The following UBR4 variants were observed in gnomAD, a reference collection of about 807,000 sequenced individuals.
UBR4 encodes E3 ubiquitin-protein ligase UBR4.
In UBR4, 124 loss-of-function variants were observed where a neutral mutation model predicts 575.6. That is an observed-to-expected ratio of 0.22 (90% CI 0.19 to 0.25). The LOEUF (loss-of-function observed/expected upper bound fraction) is 0.25, where lower values mean the gene tolerates loss of function less well. UBR4 is among the 10% of genes least tolerant of loss of function. The probability of loss-of-function intolerance (pLI) is 1.00; values close to 1 mark genes in which losing one functional copy is unlikely to be tolerated. For synonymous variants in UBR4, 2,455 were observed against 2,473.7 expected (o/e 0.99, Z 0.22); for missense variants, 4,818 against 6,478.8 (o/e 0.74, Z 8.80).
chr1:19,176,206 G>A (rs2090244234), intron 20 of UBR4, among the ~76,000 whole-genome samples: 1 of 152,118 alleles, frequency 6.6e-6, no homozygotes, highest in East Asian at 1.9e-4. Flanking sequence ...TCCTGCCTCA[G>A]CCACCAGAGT....
rs143648147 is a variant in UBR4, at chr1:19,177,733, T to C, written c.2365A>G (p.Thr789Ala). 3.5e-4 allele frequency: 566 copies of C among 1,612,616 alleles called. 2 individuals are homozygous for C. Among genetic ancestry groups the C allele is most frequent in the Admixed American group, 8.7e-4 (52 of 59,832 alleles). Residue 789 changes from threonine to alanine, a missense_variant, in exon 19 of 106, where the codon ACA (threonine) becomes GCA (alanine). Physicochemically the swap from Thr to Ala is moderately conservative, Grantham distance 58. Around this residue, in one of 29 missense-constraint regions of UBR4, gnomAD observed 1,172 missense variants for 1,259.7 expected, o/e 0.93. Coordinates refer to ENST00000375254, the MANE Select transcript of UBR4 (RefSeq NM_020765.3). ...CCTTGCAGGGCATTCTGCTTCATTG[T>C]AGACAAAAACCTACCAGAGAGAAAA... ...CLKVWDRFLS[T>A]MKQNALQGVV...
In UBR4 at chr1:19,117,400, A is replaced by G; in HGVS notation, c.10644T>C (p.Ser3548=). The change falls in exon 73 of 106, where the codon TCT becomes TCC. Residue 3548 remains serine, a synonymous_variant. Transcript: ENST00000375254. This position sits in a 1 kb window ranked among gnomAD's most constrained non-coding sequence, Gnocchi z 4.0. ...PEVPFCYIKL[S]SIKVDTRYTT... ...TGTACCGCGTGTCCACTTTAATGGA[A>G]GACAGCTTGATATACTAAATACAAG... The G allele has an allele frequency of 6.2e-7, 1 of 1,614,212 alleles. No homozygotes were observed. The highest frequency in any genetic ancestry group is 8.5e-7 in the Non-Finnish European group (1 of 1,180,034).
chr1:19,172,830 G>C (rs577735374), intron 25 of UBR4, 34 bp downstream of exon 25: 1 of 1,571,750 alleles, frequency 6.4e-7, no homozygotes, highest in African/African-American at 1.3e-5. Flanking sequence ...AGTGAAGAGT[G>C]CATGTGCATC....
intron 74 of UBR4, among the ~76,000 whole-genome samples, 164 bp downstream of exon 74, chr1:19,115,234 C>G (rs1295408658): frequency 8.7e-6 from 1 of 115,024 alleles, no homozygotes; most frequent in Non-Finnish European, 2.1e-5. Flanking sequence ...CACTCACTCT[C>G]TCTTCTTCCT....
In UBR4 at chr1:19,099,635, C is replaced by T; in HGVS notation, c.13264G>A (p.Ala4422Thr). ...NKIISLDLPV[A>T]EVYKKVWCTT... The stretch of plus-strand genomic sequence containing the variant: ...CACCAGACTTTCTTGTAAACTTCAG[C>T]CACAGGAAGGTCCAAACTAATGATT... Residue 4422 changes from alanine to threonine, a missense_variant, in exon 90 of 106, where the codon GCT (alanine) becomes ACT (threonine). Around this residue, in one of 29 missense-constraint regions of UBR4, gnomAD observed 19 missense variants for 53.9 expected, o/e 0.35. Coordinates refer to ENST00000375254, the MANE Select transcript of UBR4 (RefSeq NM_020765.3). The T allele has an allele frequency of 2.5e-6, 4 of 1,614,036 alleles. No homozygotes were observed. The highest frequency in any genetic ancestry group is 3.4e-6 in the Non-Finnish European group (4 of 1,179,948).
chr1:19,173,338 GATGACT>G, intron 23 of UBR4, 32 bp from the exon 24 acceptor site: 2 of 1,613,594 alleles, frequency 1.2e-6, no homozygotes, highest in Admixed American at 1.7e-5. Context: ...GTGTTTAGGA[GATGACT>G]ATAGGCAAAG....
rs1174072466 is a variant in UBR4, at chr1:19,197,396, A to C, written c.894-131T>G. The C allele has an allele frequency of 1.5e-5, 20 of 1,326,450 alleles. No homozygotes were observed. The Admixed American group carries it at 4.2e-4, about 28-fold the overall frequency. The allele number at this position is 1,326,450 out of a possible 1,614,324, so 82.2% of individuals were successfully genotyped here. ...ATAATTCCGACACTTCAGGAGGCCAAGGCAGGAGGATTGCTTGAGCCCAGG... is the reference window on the plus strand; with the variant it reads ...ATAATTCCGACACTTCAGGAGGCCACGGCAGGAGGATTGCTTGAGCCCAGG... On this transcript the variant is annotated intron_variant, in intron 7 of 105. Transcript: ENST00000375254.
chr1:19,170,096 C>T (rs1013587755), intron 26 of UBR4, among the ~76,000 whole-genome samples: 1 of 152,180 alleles, frequency 6.6e-6, no homozygotes, highest in East Asian at 1.9e-4. Flanking sequence ...TTTGATTTTC[C>T]ACCCTAAATT....
At position 19,169,501 on chromosome 1, in the gene UBR4, T is replaced by C; in HGVS notation, c.3675A>G (p.Ser1225=). 6.2e-7 allele frequency: 1 copy of C among 1,613,864 alleles called. No individual in the cohort carries two copies. The highest frequency in any genetic ancestry group is 8.5e-7 in the Non-Finnish European group (1 of 1,179,918). Residue 1225 remains serine, a synonymous_variant, in exon 27 of 106, where the codon TCA becomes TCG. Transcript: ENST00000375254. ...GPTLVQNLPS[S]VQTVCESWNN... ...TCCAGGACTCACACACAGTCTGCAC[T>C]GACGATGGCAAATTCTGAACCAGTG...
intron 8 of UBR4, 124 bp downstream of exon 8, chr1:19,197,017 T>C: frequency 8.3e-7 from 1 of 1,201,384 alleles, no homozygotes; most frequent in East Asian, 2.4e-5. Flanking sequence ...GATGCGACGT[T>C]AGATGATCCT....
chr1:19,184,345 G>A (rs772211580), intron 15 of UBR4, among the ~76,000 whole-genome samples, 170 bp from the exon 16 acceptor site: 10 of 152,182 alleles, frequency 6.6e-5, no homozygotes, highest in African/African-American at 1.2e-4. Flanking sequence ...GTTTCATTAT[G>A]AGTCTCTCTT....
rs778672905 is a variant in UBR4, at chr1:19,106,679, G to A, written c.12283C>T (p.Leu4095Phe). 6.2e-7 allele frequency: 1 copy of A among 1,609,614 alleles called. No homozygotes were observed. Among genetic ancestry groups the A allele is most frequent in the East Asian group, 2.2e-5 (1 of 44,870 alleles). The change falls in exon 83 of 106, where the codon CTC becomes TTC. Residue 4095 changes from leucine (L) to phenylalanine (F), a missense_variant. Physicochemically the swap from Leu to Phe is conservative, Grantham distance 22 (BLOSUM62 0). Transcript: ENST00000375254. ...KAPSKSELRH[L>F]YLTEKYVWRW... is the part of the protein sequence containing the mutation. ...CACACATACTTCTCAGTCAAATAGA[G>A]ATGGCGGAGCTCTGATTTGCTGGGG...
chr1:19,179,395 A>C (rs2090632253), intron 17 of UBR4, among the ~76,000 whole-genome samples, 175 bp from the exon 18 acceptor site: 1 of 152,258 alleles, frequency 6.6e-6, no homozygotes, highest in African/African-American at 2.4e-5. Context: ...TAGGTCAACA[A>C]ATGAGAAAAA....
In UBR4 at chr1:19,157,824, C is replaced by A. The variant is rs372867016; in HGVS notation, c.5751G>T (p.Glu1917Asp). Residue 1917 changes from glutamate to aspartate, a missense_variant, in exon 40 of 106, where the codon GAG (glutamate) becomes GAT (aspartate). Physicochemically the swap from Glu to Asp is conservative, Grantham distance 45. This residue lies in a region of UBR4 where 461 missense variants were observed against 606.9 expected (regional missense o/e 0.76). Transcript: ENST00000375254. The surrounding 1 kb of genome is among the most constrained non-coding windows in gnomAD (Gnocchi z 4.4). ...GRRQHLAVSHEKGKITVLQLS... is the reference protein window; with the variant it reads ...GRRQHLAVSHDKGKITVLQLS... Reference sequence around the variant, plus strand: ...GAATTGGAGGACCCACCTTGCCCTTCTCATGGCTGACAGCCAAATGTTGGC... The same window carrying A: ...GAATTGGAGGACCCACCTTGCCCTTATCATGGCTGACAGCCAAATGTTGGC... 6.2e-7 allele frequency: 1 copy of A among 1,614,130 alleles called. No homozygotes were observed. Among genetic ancestry groups the A allele is most frequent in the Non-Finnish European group, 8.5e-7 (1 of 1,179,950 alleles).
Position 19,117,407 on chromosome 1 carries a change from T to C in UBR4, c.10637A>G (p.Lys3546Arg). ...NNPEVPFCYI[K>R]LSSIKVDTRY... ...CGTGTCCACTTTAATGGAAGACAGC[T>C]TGATATACTAAATACAAGAGTTCAC... Residue 3546 changes from lysine to arginine, a missense_variant, in exon 73 of 106, where the codon AAG becomes AGG. Physicochemically the swap from Lys to Arg is conservative, Grantham distance 26. Transcript: ENST00000375254. This position sits in a 1 kb window ranked among gnomAD's most constrained non-coding sequence, Gnocchi z 4.0. 1.2e-6 allele frequency: 2 copies of C among 1,614,176 alleles called. No individual in the cohort carries two copies. Among genetic ancestry groups the C allele is most frequent in the Non-Finnish European group, 1.7e-6 (2 of 1,180,014 alleles).
intron 26 of UBR4, 119 bp from the exon 27 acceptor site, chr1:19,169,651 A>C: frequency 1.4e-6 from 1 of 707,032 alleles, no homozygotes; most frequent in Admixed American, 3.2e-5. Context: ...CAAAATAATT[A>C]GTAAGATAGC....
intron 60 of UBR4, among the ~76,000 whole-genome samples, chr1:19,132,605 T>TAAAAAAAAAAAAAAAAAA: frequency 4.1e-4 from 10 of 24,132 alleles, no homozygotes; most frequent in East Asian, 1.2e-3. Flanking sequence ...TAAAAAATGG[T>TAAAAAAAAAAAAAAAAAA]AAAAAAAAAA....
chr1:19,172,803 A>G (rs1292757109), intron 25 of UBR4, 61 bp downstream of exon 25: 2 of 1,524,350 alleles, frequency 1.3e-6, no homozygotes, highest in East Asian at 2.3e-5. Context: ...TTCTGAGTCA[A>G]TGCGGGATCT....
At position 19,095,641 on chromosome 1, in the gene UBR4, T is replaced by C. The variant is rs762387574; in HGVS notation, c.13530A>G (p.Lys4510=). 2.5e-6 allele frequency: 4 copies of C among 1,613,872 alleles called. No individual in the cohort carries two copies. Among genetic ancestry groups the C allele is most frequent in the Non-Finnish European group, 2.5e-6 (3 of 1,179,948 alleles). The change falls in exon 93 of 106, where the codon AAA becomes AAG. Residue 4510 remains lysine (K), a synonymous_variant. Transcript: ENST00000375254. ...QGRHLLTVLL[K]LFSYCVKVKV... ...TCACCTTCACGCAGTAACTGAACAA[T>C]TTCAGTAGCACCTGACAAGAAAAGC... is the stretch of plus-strand genomic sequence containing the variant.
Sources: allele counts gnomAD v4.1 joint callset (sites outside exome capture counted in the v4.1 genomes callset), GRCh38; gene constraint gnomAD v4.1.1; regional missense constraint gnomAD v4.1.1; non-coding constraint Gnocchi (gnomAD v3.1); transcripts MANE v1.5; gene names NCBI Gene and HGNC (gene_info 2026-07-23, HGNC 2026-07-21).